Variants in ROBO2 observed in about 807,000 individuals in gnomAD.
ROBO2 encodes the protein roundabout homolog 2.
In ROBO2, 53 loss-of-function variants were observed where a neutral mutation model predicts 160.8. The observed-to-expected ratio is 0.33, with a 90% CI of 0.26 to 0.41. The LOEUF (loss-of-function observed/expected upper bound fraction) is 0.41. Ranked by LOEUF, ROBO2 falls within the 10% of genes least tolerant of loss-of-function variation. The pLI is 1.00. For synonymous variants in ROBO2, 664 were observed against 611.7 expected (o/e 1.09, Z -1.26); for missense variants, 1,577 against 1,722.4 (o/e 0.92, Z 1.49).
At chr3:76,146,714 G>T (rs576669129) in intron 2 of ROBO2, among the ~76,000 whole-genome samples, 1 of 149,874 alleles carries the variant, frequency 6.7e-6, no homozygotes, top group East Asian at 2.1e-4. Flanking sequence ...GTGTGTGTGT[G>T]TGTGTGTGTG....
intron 24 of ROBO2, among the ~76,000 whole-genome samples, chr3:77,643,336 A>G (rs943059552): frequency 5.3e-5 from 8 of 152,226 alleles, no homozygotes; most frequent in African/African-American, 1.9e-4. Flanking sequence ...TCGAAAGGAG[A>G]ACTCACATCA....
chr3:77,316,904 A>G, intron 2 of ROBO2: 1 of 1,179,292 alleles, frequency 8.5e-7, no homozygotes, highest in Non-Finnish European at 1.3e-6. Context: ...ACTTTAGTGG[A>G]GAAGCAGGCA....
chr3:76,948,767 G>A (rs1261741260), intron 2 of ROBO2, among the ~76,000 whole-genome samples: 13 of 142,496 alleles, frequency 9.1e-5, no homozygotes, highest in Admixed American at 4.2e-4. Context: ...GTGCAGTGGC[G>A]CGATCTTGGC....
intron 2 of ROBO2, among the ~76,000 whole-genome samples, chr3:76,771,535 A>T (rs2061905736): frequency 6.6e-6 from 1 of 151,098 alleles, no homozygotes; most frequent in Non-Finnish European, 1.5e-5. Flanking sequence ...ACTCCTCAAA[A>T]ATTTGACCTG....
intron 2 of ROBO2, among the ~76,000 whole-genome samples, chr3:77,457,898 T>A (rs1341368619): frequency 6.6e-6 from 1 of 152,130 alleles, no homozygotes; most frequent in Non-Finnish European, 1.5e-5. Context: ...AACCTAGTTA[T>A]ATGTTTATAT....
intron 2 of ROBO2, among the ~76,000 whole-genome samples, chr3:76,613,529 A>G (rs1165917427): frequency 1.3e-5 from 2 of 151,970 alleles, no homozygotes; most frequent in Non-Finnish European, 2.9e-5. Flanking sequence ...TACATTATCA[A>G]TATTCATTTA....
chr3:76,955,496 C>T (rs748849677), intron 2 of ROBO2, among the ~76,000 whole-genome samples: 5 of 152,180 alleles, frequency 3.3e-5, no homozygotes, highest in Admixed American at 6.5e-5. Flanking sequence ...AATGTTTCCA[C>T]ATCCTTGCCA....
At chr3:76,622,193 A>T (rs5019083) in intron 2 of ROBO2, among the ~76,000 whole-genome samples, 3,255 of 45,468 alleles carry the variant, frequency 0.072, 810 homozygotes, top group South Asian at 0.14. Context: ...AAAAAAAGAA[A>T]GGAAGGAAGG....
intron 2 of ROBO2, among the ~76,000 whole-genome samples, chr3:77,458,682 G>A (rs1017022843): frequency 6.6e-6 from 1 of 151,576 alleles, no homozygotes; most frequent in Non-Finnish European, 1.5e-5. Flanking sequence ...CATGAATTTT[G>A]AATTAAAAAT....
At chr3:76,713,003 A>T (rs938149349) in intron 2 of ROBO2, among the ~76,000 whole-genome samples, 37 of 152,234 alleles carry the variant, frequency 2.4e-4, no homozygotes, top group Admixed American at 1.8e-3. Flanking sequence ...TCTGATATCT[A>T]AAATAATAAA....
rs574866045 is a variant in ROBO2 at position 76,545,752 on chromosome 3, C to G, written c.110-552262C>G. On this transcript the variant is annotated intron_variant, in intron 2 of 26. Coordinates refer to the ROBO2 transcript ENST00000487694. ...TTGTATTTTCTTAATTTATCTTATA[C>G]TTTGTCAAAAAGTGTAGTTTTATTC... 1.0e-3 allele frequency among the ~76,000 whole-genome samples: 155 copies of G among 151,866 alleles called. 1 individual carries two copies. Among genetic ancestry groups the G allele is most frequent in the African/African-American group, 3.6e-3 (150 of 41,506 alleles).
intron 2 of ROBO2, among the ~76,000 whole-genome samples, chr3:77,105,717 A>G (rs1361244623): frequency 6.6e-6 from 1 of 152,184 alleles, no homozygotes; most frequent in Non-Finnish European, 1.5e-5. Context: ...CTCTCTCTCA[A>G]CAAGTCTCAA....
At chr3:76,371,171 TTAATC>T (rs1351782301) in intron 2 of ROBO2, among the ~76,000 whole-genome samples, 3 of 152,072 alleles carry the variant, frequency 2.0e-5, no homozygotes, top group Admixed American at 1.3e-4. Context: ...CGTTTACTCT[TTAATC>T]TGAGCACAAG....
intron 2 of ROBO2, among the ~76,000 whole-genome samples, chr3:77,221,914 A>T (rs1233160854): frequency 1.4e-5 from 2 of 140,762 alleles, no homozygotes; most frequent in Non-Finnish European, 3.0e-5. Context: ...CTGCAGTGGC[A>T]CGATCTCGGC....
intron 6 of ROBO2, among the ~76,000 whole-genome samples, chr3:77,540,588 G>C (rs191595625): frequency 3.9e-5 from 6 of 152,098 alleles, no homozygotes; most frequent in Non-Finnish European, 2.9e-5. Context: ...GGGCGCGCAG[G>C]GGGAGGGAGA....
chr3:77,014,717 C>T (rs2062130416), intron 2 of ROBO2, among the ~76,000 whole-genome samples: 1 of 151,996 alleles, frequency 6.6e-6, no homozygotes, highest in African/African-American at 2.4e-5. Flanking sequence ...CAAAGGACCA[C>T]CTAAATTTCA....
chr3:77,034,275 C>T (rs534413772), intron 2 of ROBO2, among the ~76,000 whole-genome samples: 14 of 150,228 alleles, frequency 9.3e-5, no homozygotes, highest in East Asian at 3.9e-4. Flanking sequence ...TTGTCACTTA[C>T]GGATGACAAT....
intron 7 of ROBO2, among the ~76,000 whole-genome samples, chr3:77,549,837 G>A (rs949475412): frequency 6.6e-6 from 1 of 151,944 alleles, no homozygotes; most frequent in Admixed American, 6.6e-5. Flanking sequence ...TATTGAAACT[G>A]TTTAATTACA....
At chr3:76,603,351 A>AAAATAT (rs1553826368) in intron 2 of ROBO2, among the ~76,000 whole-genome samples, 21 of 26,400 alleles carry the variant, frequency 8.0e-4, no homozygotes, top group Non-Finnish European at 1.1e-3. Flanking sequence ...AAAAAAAAAA[A>AAAATAT]ATATATATAT....
Sources: allele counts gnomAD v4.1 joint callset (sites outside exome capture counted in the v4.1 genomes callset), GRCh38; gene constraint gnomAD v4.1.1; transcripts MANE v1.5; gene names NCBI Gene and HGNC (gene_info 2026-07-23, HGNC 2026-07-21).